Variants in COL6A5 observed in about 807,000 individuals in gnomAD.
The protein encoded by COL6A5 is collagen alpha-5(VI) chain.
COL6A5 carries 48 observed loss-of-function variants against 65.6 expected under a neutral mutation model. That is an observed-to-expected ratio of 0.73 (90% CI 0.58 to 0.93). The LOEUF (loss-of-function observed/expected upper bound fraction) is 0.93. Ranked by LOEUF, COL6A5 falls within the 40% of genes least tolerant of loss-of-function variation. COL6A5 has a pLI of 0.00. For synonymous variants in COL6A5, 291 were observed against 322.8 expected, an observed-to-expected ratio of 0.90 and a Z score of 1.05; for missense variants, 914 against 928.3, an observed-to-expected ratio of 0.98 and a Z score of 0.20.
At chr3:130,359,071 C>G (rs1228035664) in intron 1 of COL6A5, among the ~76,000 whole-genome samples, 4 of 152,084 alleles carry the variant, frequency 2.6e-5, no homozygotes, top group Admixed American at 1.3e-4. Flanking sequence ...TTGATTTCAA[C>G]TAGTGTGGTC....
At chr3:130,400,894 G>A in intron 10 of COL6A5, 137 bp from the exon 11 acceptor site, 2 of 654,908 alleles carry the variant, frequency 3.1e-6, no homozygotes, top group Non-Finnish European at 4.8e-6. Flanking sequence ...TATGTCAGGA[G>A]TACTCCTTCC....
rs35177024 is a variant in COL6A5, at chr3:130,398,128, G to GT, written c.3991+37dup. On this transcript the variant is annotated intron_variant and NMD_transcript_variant, in intron 10 of 41. Transcript: ENST00000312481. The stretch of plus-strand genomic sequence containing the variant: ...GAGAAGCAGGTATTGAGTTGTTGTT[G>GT]TTTTTTTTTTTTTTTTTTTTGAGAT... 107,811 of 869,776 alleles carry GT rather than the reference G, an allele frequency of 0.12. 31 individuals are homozygous for GT. Among genetic ancestry groups the GT allele is most frequent in the Non-Finnish European group, 0.14 (86,644 of 622,892 alleles). The allele number at this position is 869,776 out of a possible 1,614,324, so 53.9% of individuals were successfully genotyped here.
intron 4 of COL6A5, 149 bp from the exon 37 acceptor site, chr3:130,455,306 A>G: frequency 1.7e-6 from 1 of 600,494 alleles, no homozygotes; most frequent in Non-Finnish European, 3.0e-6. Context: ...AATGAATCTC[A>G]ATGAATTATT....
chr3:130,415,753 T>G (rs915922213), intron 23 of COL6A5, 46 bp downstream of exon 23: 2 of 1,435,706 alleles, frequency 1.4e-6, no homozygotes, highest in East Asian at 2.5e-5. Context: ...CAACAGTTAT[T>G]TTCCTCTTAG....
intron 1 of COL6A5, among the ~76,000 whole-genome samples, 183 bp from the exon 34 acceptor site, chr3:130,439,339 T>TTGTGTGTGTGTGTGTG (rs5852597): frequency 2.9e-4 from 42 of 146,668 alleles, no homozygotes; most frequent in Admixed American, 2.3e-3. Flanking sequence ...AAGCAGGGGA[T>TTGTGTGTGTGTGTGTG]TGTGTGTGTG....
chr3:130,384,116 G>C (rs1434164601), intron 4 of COL6A5, among the ~76,000 whole-genome samples: 2 of 152,052 alleles, frequency 1.3e-5, no homozygotes, highest in Admixed American at 1.3e-4. Flanking sequence ...TCCATGATGA[G>C]AAGGAAGCAG....
At chr3:130,399,324 C>T (rs1037367455) in intron 10 of COL6A5, among the ~76,000 whole-genome samples, 1 of 151,902 alleles carries the variant, frequency 6.6e-6, no homozygotes, top group Non-Finnish European at 1.5e-5. Context: ...GGGAGCTTTG[C>T]AGAACCTGGC....
At chr3:130,379,453 G>T in exon 4 of COL6A5, 1 of 1,551,046 alleles carries the variant, frequency 6.4e-7, no homozygotes, top group Non-Finnish European at 8.7e-7. Context: ...AGATTCACTC[G>T]CTGACCTCGT....
intron 13 of COL6A5, among the ~76,000 whole-genome samples, chr3:130,404,019 C>G (rs1936904234): frequency 6.6e-6 from 1 of 152,082 alleles, no homozygotes; most frequent in East Asian, 1.9e-4. Flanking sequence ...CTCTCTACCC[C>G]CAAGCAGGGC....
intron 15 of COL6A5, 42 bp downstream of exon 15, chr3:130,406,061 G>T: frequency 6.5e-7 from 1 of 1,549,678 alleles, no homozygotes; most frequent in African/African-American, 1.4e-5. Flanking sequence ...TTCCAAATGG[G>T]ATTAGTTTCC....
chr3:130,406,094 T>C (rs1300839270), intron 15 of COL6A5, 37 bp from the exon 16 acceptor site: 1 of 1,547,746 alleles, frequency 6.5e-7, no homozygotes, highest in Non-Finnish European at 8.7e-7. Context: ...GGCAGAGACC[T>C]GCTTTTACCT....
rs532399514 is a variant in COL6A5 at position 130,421,188 on chromosome 3, A to G, written c.4986A>G (p.Gly1662=). Residue 1662 remains glycine, a synonymous_variant and NMD_transcript_variant, in exon 26 of 42, where the codon GGA becomes GGG. Coordinates refer to the COL6A5 transcript ENST00000312481. ...GCATCCCAGGCTACGGTCAGATGGG[A>G]CGAAAAGGAGTAAAGGTAAATATGG... 4 of 1,550,764 alleles carry G rather than the reference A, an allele frequency of 2.6e-6. No individual in the cohort carries two copies. In the East Asian group the frequency reaches 9.8e-5, roughly 38 times the overall value.
intron 4 of COL6A5, among the ~76,000 whole-genome samples, chr3:130,443,781 T>C (rs1445771419): frequency 6.6e-6 from 1 of 152,170 alleles, no homozygotes; most frequent in African/African-American, 2.4e-5. Context: ...TGCCTTTAAA[T>C]TCATGGTTTC....
intron 8 of COL6A5, 146 bp downstream of exon 8, chr3:130,395,611 A>C (rs990539729): frequency 6.9e-6 from 5 of 728,102 alleles, no homozygotes; most frequent in Non-Finnish European, 1.1e-5. Flanking sequence ...ATGAGAAGAG[A>C]CTTCTCTGCT....
intron 5 of COL6A5, among the ~76,000 whole-genome samples, chr3:130,467,060 C>T (rs1709834964): frequency 6.6e-6 from 1 of 151,850 alleles, no homozygotes; most frequent in Non-Finnish European, 1.5e-5. Context: ...TCTTCCAGAA[C>T]ATAAAAGAAA....
At chr3:130,438,726 A>C (rs2107701101) in intron 1 of COL6A5, among the ~76,000 whole-genome samples, 1 of 152,330 alleles carries the variant, frequency 6.6e-6, no homozygotes, top group African/African-American at 2.4e-5. Flanking sequence ...ATGGAGAGAT[A>C]GCCTCCTCAC....
At chr3:130,442,596 G>T (rs1467416735) in intron 3 of COL6A5, among the ~76,000 whole-genome samples, 1 of 152,134 alleles carries the variant, frequency 6.6e-6, no homozygotes, top group Non-Finnish European at 1.5e-5. Flanking sequence ...AGGCTCCTCT[G>T]CTGGTATTTA....
At chr3:130,373,672 A>C in exon 2 of COL6A5, 1 of 1,543,572 alleles carries the variant, frequency 6.5e-7, no homozygotes, top group Non-Finnish European at 8.8e-7. Context: ...TGTCCTAATC[A>C]TTTGGACTGA....
intron 8 of COL6A5, 134 bp downstream of exon 8, chr3:130,395,599 C>T (rs1442203047): frequency 8.0e-6 from 6 of 750,242 alleles, no homozygotes; most frequent in African/African-American, 1.8e-5. Flanking sequence ...ACTTGTTGTG[C>T]AATGAGAAGA....
Sources: allele counts gnomAD v4.1 joint callset (sites outside exome capture counted in the v4.1 genomes callset), GRCh38; gene constraint gnomAD v4.1.1; transcripts MANE v1.5; gene names NCBI Gene and HGNC (gene_info 2026-07-23, HGNC 2026-07-21).